Variants in WDR7 observed in about 807,000 individuals in gnomAD.
The protein encoded by WDR7 is WD repeat domain 7.
WDR7 carries 46 observed loss-of-function variants against 169.4 expected under a neutral mutation model. The ratio of observed to expected loss-of-function variants is 0.27; its 90% CI spans 0.21 to 0.35. The LOEUF is 0.35. WDR7 is among the 10% of genes least tolerant of loss of function. The pLI is 1.00. For synonymous variants in WDR7, 612 were observed against 666.8 expected, an observed-to-expected ratio of 0.92 and a Z score of 1.27; for missense variants, 1,534 against 1,859.3, an observed-to-expected ratio of 0.83 and a Z score of 3.22.
intron 12 of WDR7, among the ~76,000 whole-genome samples, chr18:56,717,539 C>T (rs1053199369): frequency 1.3e-5 from 2 of 152,130 alleles, no homozygotes; most frequent in Non-Finnish European, 2.9e-5. Flanking sequence ...CAGGGAAGAG[C>T]ATGGGTCTAA....
chr18:56,937,153 C>T (rs528610601), intron 23 of WDR7, among the ~76,000 whole-genome samples: 104 of 151,988 alleles, frequency 6.8e-4, no homozygotes, highest in African/African-American at 2.5e-3. Flanking sequence ...GTTAGAATAC[C>T]CATGCTTTGA....
rs375012264 is a variant in WDR7 at position 57,027,568 on chromosome 18, C to T, written c.*361C>T. On this transcript the variant is annotated 3_prime_UTR_variant, in exon 28 of 28. Transcript: ENST00000254442. ...TGATTGCACTCCCAGCCCAGATCAGCATTTTTAGCCATCTCAACCGCACCT... is the reference window on the plus strand; with the variant it reads ...TGATTGCACTCCCAGCCCAGATCAGTATTTTTAGCCATCTCAACCGCACCT... The T allele has an allele frequency of 3.4e-4, 90 of 267,446 alleles. 1 individual carries two copies. The highest frequency in any genetic ancestry group is 1.9e-3 in the African/African-American group (85 of 44,692). The allele number at this position is 267,446 out of a possible 1,614,324, so 16.6% of individuals were successfully genotyped here.
At chr18:56,746,137 A>G (rs535879981) in intron 14 of WDR7, among the ~76,000 whole-genome samples, 1 of 152,354 alleles carries the variant, frequency 6.6e-6, no homozygotes, top group East Asian at 1.9e-4. Context: ...GCATTGTCCA[A>G]GTATAGGAAG....
At chr18:56,786,099 T>C (rs572589364) in intron 19 of WDR7, among the ~76,000 whole-genome samples, 83 of 152,346 alleles carry the variant, frequency 5.4e-4, no homozygotes, top group Non-Finnish European at 8.7e-4. Flanking sequence ...GTTCTCTTTA[T>C]TGCCACTGCC....
intron 4 of WDR7, among the ~76,000 whole-genome samples, chr18:56,682,155 A>G (rs1007063956): frequency 6.6e-6 from 1 of 152,230 alleles, no homozygotes; most frequent in African/African-American, 2.4e-5. Context: ...AAATAGGAGT[A>G]TATCATTTTA....
intron 1 of WDR7, among the ~76,000 whole-genome samples, chr18:56,659,499 GATAA>G (rs1203519940): frequency 6.6e-6 from 1 of 152,164 alleles, no homozygotes; most frequent in Non-Finnish European, 1.5e-5. Flanking sequence ...AGAGGCAGAT[GATAA>G]ATAAATAAAA....
intron 22 of WDR7, among the ~76,000 whole-genome samples, chr18:56,932,224 G>T (rs575163207): frequency 6.6e-6 from 1 of 152,286 alleles, no homozygotes; most frequent in South Asian, 2.1e-4. Context: ...ACATTCTGCA[G>T]TCCTGTGCTC....
chr18:56,893,750 G>A (rs2046295489), intron 21 of WDR7, among the ~76,000 whole-genome samples: 1 of 152,042 alleles, frequency 6.6e-6, no homozygotes, highest in Non-Finnish European at 1.5e-5. Context: ...AAACCCTGGG[G>A]TTAGATGGAG....
intron 14 of WDR7, among the ~76,000 whole-genome samples, chr18:56,732,558 T>A (rs1302056834): frequency 6.6e-6 from 1 of 152,194 alleles, no homozygotes; most frequent in Non-Finnish European, 1.5e-5. Flanking sequence ...CTGTAGGCAG[T>A]TCCACTGACC....
In WDR7 at chr18:56,816,157, A is replaced by C. The variant is rs193127009; in HGVS notation, c.3304+13A>C. ...GACATCACCACTGGTAAGCACAGAC[A>C]TCTTTAACGTCTGATTGGAGCTTTG... On this transcript the variant is annotated intron_variant, in intron 20 of 27. Coordinates refer to ENST00000254442, the MANE Select transcript of WDR7 (RefSeq NM_015285.3). The C allele has an allele frequency of 1.6e-5, 25 of 1,592,954 alleles. No individual in the cohort carries two copies. The East Asian group carries it at 5.1e-4, about 33-fold the overall frequency.
intron 19 of WDR7, chr18:56,781,900 T>C: frequency 3.3e-6 from 1 of 298,668 alleles, no homozygotes; most frequent in Admixed American, 5.2e-5. Flanking sequence ...CTTTTATAAA[T>C]GAATTCCCCA....
intron 20 of WDR7, among the ~76,000 whole-genome samples, chr18:56,862,309 ATGTT>A (rs1232912641): frequency 6.6e-6 from 1 of 151,636 alleles, no homozygotes; most frequent in East Asian, 1.9e-4. Context: ...ATTATCAATA[ATGTT>A]TATGTTGTAA....
In WDR7 at chr18:56,728,945, T is replaced by C. The variant is rs539390604; in HGVS notation, c.1775-2438T>C. ...CCGCTTTTCACCACCATGCCCCTTATCTGACATGGGCTCCTACCTTTGCTC... is the reference window on the plus strand; with the variant it reads ...CCGCTTTTCACCACCATGCCCCTTACCTGACATGGGCTCCTACCTTTGCTC... On this transcript the variant is annotated intron_variant, in intron 13 of 27. Coordinates refer to ENST00000254442, the MANE Select transcript of WDR7 (RefSeq NM_015285.3). Among the ~76,000 whole-genome samples the C allele has an allele frequency of 3.9e-4, 60 of 152,298 alleles. 1 individual carries two copies. The highest frequency in any genetic ancestry group is 1.4e-3 in the African/African-American group (58 of 41,550).
In WDR7 at chr18:56,756,393, T is replaced by G. The variant is rs7230884; in HGVS notation, c.1990-190T>G. Among the ~76,000 whole-genome samples, 198 of 152,334 alleles carry G rather than the reference T, an allele frequency of 1.3e-3. 2 individuals are homozygous for G. Among genetic ancestry groups the G allele is most frequent in the African/African-American group, 4.7e-3 (194 of 41,600 alleles). On this transcript the variant is annotated intron_variant, in intron 14 of 27. Transcript: ENST00000254442. ...TGATTGTTTCAGCATAAAGTTCTTC[T>G]AATTGTGTAAGCTGATATCTTTTAC...
At position 56,765,546 on chromosome 18, in the gene WDR7, T is replaced by G. The variant is rs889118915; in HGVS notation, c.2848+6593T>G. On this transcript the variant is annotated intron_variant, in intron 16 of 27. Coordinates refer to ENST00000254442, the MANE Select transcript of WDR7 (RefSeq NM_015285.3). ...ATTAGCATTTCTCATCTCCTGGTCTTTATGCTACTGTTGTCCTGCATTTTA... is the reference window on the plus strand; with the variant it reads ...ATTAGCATTTCTCATCTCCTGGTCTGTATGCTACTGTTGTCCTGCATTTTA... 3.9e-5 allele frequency among the ~76,000 whole-genome samples: 6 copies of G among 152,232 alleles called. No homozygotes were observed. In the East Asian group the frequency reaches 1.2e-3, roughly 29 times the overall value.
chr18:57,024,332 A>C (rs999764118), intron 27 of WDR7, among the ~76,000 whole-genome samples: 2 of 152,138 alleles, frequency 1.3e-5, no homozygotes, highest in Non-Finnish European at 1.5e-5. Flanking sequence ...TATTGAAAAA[A>C]TTGTTAGTTG....
intron 26 of WDR7, among the ~76,000 whole-genome samples, chr18:56,976,053 C>G (rs770065961): frequency 1.3e-5 from 2 of 152,062 alleles, no homozygotes; most frequent in African/African-American, 4.8e-5. Flanking sequence ...TTTGGAAGGT[C>G]GGTGTGCTGT....
At chr18:56,975,702 A>G (rs2047555487) in intron 26 of WDR7, among the ~76,000 whole-genome samples, 1 of 152,186 alleles carries the variant, frequency 6.6e-6, no homozygotes, top group Non-Finnish European at 1.5e-5. Context: ...AGCCTTGAAC[A>G]AAATGCCAAG....
chr18:56,907,670 G>A (rs368562138), intron 21 of WDR7, among the ~76,000 whole-genome samples: 1 of 152,128 alleles, frequency 6.6e-6, no homozygotes, highest in African/African-American at 2.4e-5. Flanking sequence ...GTATTGCTCG[G>A]CAGTTCTGAA....
Sources: allele counts gnomAD v4.1 joint callset (sites outside exome capture counted in the v4.1 genomes callset), GRCh38; gene constraint gnomAD v4.1.1; transcripts MANE v1.5; gene names NCBI Gene and HGNC (gene_info 2026-07-23, HGNC 2026-07-21).